The following EIF2B3 variants were observed in gnomAD, a reference collection of about 807,000 sequenced individuals.
EIF2B3 encodes the protein eukaryotic translation initiation factor 2B subunit gamma.
Under a neutral mutation model 54.1 loss-of-function variants are expected in EIF2B3, and 20 were observed. The observed-to-expected ratio is 0.37, with a 90% CI of 0.26 to 0.54. EIF2B3 has a LOEUF of 0.54. Among genes scored for constraint, EIF2B3 ranks in the 20% least tolerant of loss-of-function variants. The probability of loss-of-function intolerance (pLI) is 0.86; values close to 1 mark genes in which losing one functional copy is unlikely to be tolerated. For missense variants in EIF2B3, 448 were observed against 547.8 expected, an observed-to-expected ratio of 0.82 and a Z score of 1.82; for synonymous variants, 153 against 188.1, an observed-to-expected ratio of 0.81 and a Z score of 1.52.
intron 11 of EIF2B3, among the ~76,000 whole-genome samples, chr1:44,854,878 G>A (rs938096104): frequency 2.0e-5 from 3 of 151,976 alleles, no homozygotes; most frequent in Non-Finnish European, 4.4e-5. Context: ...ATGAGCCACC[G>A]CATCCGGCTG....
At chr1:44,951,987 G>A (rs552258578) in intron 3 of EIF2B3, among the ~76,000 whole-genome samples, 2 of 35,006 alleles carry the variant, frequency 5.7e-5, no homozygotes, top group East Asian at 0.013. Context: ...TTTTGAGACG[G>A]AGTCTCGCTC....
intron 10 of EIF2B3, among the ~76,000 whole-genome samples, chr1:44,871,814 G>A (rs1310501121): frequency 1.3e-5 from 2 of 151,562 alleles, no homozygotes; most frequent in East Asian, 3.9e-4. Context: ...TGACATTTGA[G>A]CTAAGATCAA....
At chr1:44,944,015 A>G (rs1036576046) in intron 3 of EIF2B3, among the ~76,000 whole-genome samples, 1 of 152,004 alleles carries the variant, frequency 6.6e-6, no homozygotes, top group Non-Finnish European at 1.5e-5. Flanking sequence ...ATGGTGGCAC[A>G]TGCCTATAGT....
At chr1:44,853,470 T>C (rs1049091037) in intron 11 of EIF2B3, among the ~76,000 whole-genome samples, 1 of 152,072 alleles carries the variant, frequency 6.6e-6, no homozygotes, top group Non-Finnish European at 1.5e-5. Context: ...TAGCTGGATG[T>C]GGTGGCATAT....
In EIF2B3 at chr1:44,984,798, T is replaced by C. The variant is rs909327218; in HGVS notation, c.-10+1695A>G. 5.8e-3 allele frequency among the ~76,000 whole-genome samples: 232 copies of C among 39,978 alleles called. 4 individuals are homozygous for C. The highest frequency in any genetic ancestry group is 1.5e-3 in the Non-Finnish European group (38 of 25,782). The allele number at this position is 39,978 out of a possible 152,430, so 26.2% of individuals were successfully genotyped here. ...TAAAGCAGACAAAATAATGTCCATC[T>C]TTTTTTTTTTTTTTTTTTTGAGACG... On this transcript the variant is annotated intron_variant, in intron 1 of 11. Transcript: ENST00000360403.
At chr1:44,929,030 G>A (rs1182146286) in intron 4 of EIF2B3, among the ~76,000 whole-genome samples, 7 of 152,128 alleles carry the variant, frequency 4.6e-5, no homozygotes, top group Non-Finnish European at 1.0e-4. Context: ...AATAGTGTTT[G>A]TCTCACAGGT....
intron 8 of EIF2B3, among the ~76,000 whole-genome samples, chr1:44,877,244 C>T (rs1392812890): frequency 1.4e-5 from 2 of 140,384 alleles, no homozygotes; most frequent in Non-Finnish European, 3.0e-5. Flanking sequence ...GAACCCAGTG[C>T]TCAATCAGAG....
At position 44,897,793 on chromosome 1, in the gene EIF2B3, G is replaced by A. The variant is rs1419450392; in HGVS notation, c.567-349C>T. On this transcript the variant is annotated intron_variant, in intron 5 of 11. Transcript: ENST00000360403. ...GCTTTGTTGCCTAGGCTGGAGTGCA[G>A]TGGCGTGATCTCGGCTCACTGCAAG... 2.7e-5 allele frequency among the ~76,000 whole-genome samples: 4 copies of A among 148,020 alleles called. No individual in the cohort carries two copies. The East Asian group carries it at 7.9e-4, about 29-fold the overall frequency.
intron 3 of EIF2B3, chr1:44,958,565 G>T: frequency 7.1e-7 from 1 of 1,417,206 alleles, no homozygotes; most frequent in South Asian, 1.2e-5. Context: ...TTATGTCTTT[G>T]TGTGAAGACA....
Position 44,876,843 on chromosome 1 carries a change from C to G in EIF2B3, c.976-1148G>C, listed in dbSNP as rs1038170937. Among the ~76,000 whole-genome samples, 21 of 143,196 alleles carry G rather than the reference C, an allele frequency of 1.5e-4. 1 individual carries two copies. The highest frequency in any genetic ancestry group is 5.7e-4 in the African/African-American group (21 of 36,954). The allele number at this position is 143,196 out of a possible 152,430, so 93.9% of individuals were successfully genotyped here. Reference sequence around the variant, plus strand: ...GACATGGGAGACTTTTCATTTTGTTCTGTACTAAGAAAAATTCTTCTGCCT... The same window carrying G: ...GACATGGGAGACTTTTCATTTTGTTGTGTACTAAGAAAAATTCTTCTGCCT... On this transcript the variant is annotated intron_variant, in intron 8 of 11. Transcript: ENST00000360403.
chr1:44,857,918 A>G (rs1654488616), intron 10 of EIF2B3, 111 bp from the exon 11 acceptor site: 1 of 968,654 alleles, frequency 1.0e-6, no homozygotes, highest in Non-Finnish European at 1.6e-6. Context: ...TGGGCAGTCC[A>G]GTTAATGGCT....
intron 7 of EIF2B3, among the ~76,000 whole-genome samples, chr1:44,880,483 C>T (rs1205451588): frequency 6.6e-6 from 1 of 152,162 alleles, no homozygotes; most frequent in African/African-American, 2.4e-5. Flanking sequence ...CTTTAGTGGC[C>T]AGCCAGGTTG....
chr1:44,914,403 C>T lies in EIF2B3; in HGVS notation c.566+12225G>A, dbSNP rs147016168. On this transcript the variant is annotated intron_variant, in intron 5 of 11. Transcript: ENST00000360403. Reference sequence around the variant, plus strand: ...CTCAAATTCCTTACCTCAGGTGATCCGTCCACCTCGGCCTCTCAAAGTGTT... The same window carrying T: ...CTCAAATTCCTTACCTCAGGTGATCTGTCCACCTCGGCCTCTCAAAGTGTT... Among the ~76,000 whole-genome samples the T allele has an allele frequency of 9.2e-5, 14 of 152,174 alleles. No individual in the cohort carries two copies. In the East Asian group the frequency reaches 2.7e-3, roughly 29 times the overall value.
intron 3 of EIF2B3, among the ~76,000 whole-genome samples, chr1:44,943,368 C>CTATCTATATCTATATCTATATCTA (rs59247483): frequency 4.1e-4 from 59 of 144,454 alleles, no homozygotes; most frequent in Admixed American, 1.8e-3. Context: ...GCAGGAAGAA[C>CTATCTATATCTATATCTATATCTA]TATCTATATC....
At position 44,859,216 on chromosome 1, in the gene EIF2B3, G is replaced by A. The variant is rs960594228; in HGVS notation, c.1203-1409C>T. On this transcript the variant is annotated intron_variant, in intron 10 of 11. Transcript: ENST00000360403. The stretch of plus-strand genomic sequence containing the variant: ...TTCAGGAGGCTGAGGTAGGAGGATC[G>A]CTTAAGCAAAGGAGGTAGAGGCTGC... Among the ~76,000 whole-genome samples, 16 of 152,116 alleles carry A rather than the reference G, an allele frequency of 1.1e-4. No homozygotes were observed. The East Asian group carries it at 2.1e-3, about 20-fold the overall frequency.
intron 10 of EIF2B3, among the ~76,000 whole-genome samples, chr1:44,859,183 A>G (rs917828701): frequency 6.6e-6 from 1 of 152,122 alleles, no homozygotes; most frequent in African/African-American, 2.4e-5. Flanking sequence ...TGCCTGTAGT[A>G]CCAGTTATTC....
At chr1:44,916,018 A>C (rs1330044832) in intron 5 of EIF2B3, among the ~76,000 whole-genome samples, 1 of 152,118 alleles carries the variant, frequency 6.6e-6, no homozygotes, top group Non-Finnish European at 1.5e-5. Context: ...AATATCTAGC[A>C]ATGTTTTTTC....
At chr1:44,865,227 A>AG (rs1654732226) in intron 10 of EIF2B3, among the ~76,000 whole-genome samples, 1 of 152,018 alleles carries the variant, frequency 6.6e-6, no homozygotes, top group Admixed American at 6.6e-5. Flanking sequence ...AAAAAAAAAA[A>AG]AAGAAATGTG....
chr1:44,977,056 TG>T (rs1304077019), intron 3 of EIF2B3, among the ~76,000 whole-genome samples: 4 of 152,252 alleles, frequency 2.6e-5, no homozygotes, highest in Non-Finnish European at 5.9e-5. Context: ...ATTAATTTTT[TG>T]TTTTATAGTA....
Sources: gnomAD v4.1 joint callset for allele counts (sites outside exome capture counted in the v4.1 genomes callset) on GRCh38, gnomAD v4.1.1 for gene constraint, MANE v1.5 for transcripts, NCBI Gene and HGNC (gene_info 2026-07-23, HGNC 2026-07-21) for gene names.